GRID1: variants seen among roughly 807,000 people sequenced by gnomAD.
The protein encoded by GRID1 is glutamate ionotropic receptor delta type subunit 1.
In GRID1, 28 loss-of-function variants were observed where a neutral mutation model predicts 98.0. The ratio of observed to expected loss-of-function variants is 0.29; its 90% confidence interval spans 0.21 to 0.39. GRID1 has a LOEUF of 0.39. Ranked by LOEUF, GRID1 falls within the 10% of genes least tolerant of loss-of-function variation. The pLI is 1.00. For synonymous variants in GRID1, 553 were observed against 538.5 expected (o/e 1.03, Z -0.37); for missense variants, 1,111 against 1,340.5 (o/e 0.83, Z 2.67).
At chr10:86,046,365 T>C (rs1169840330) in intron 4 of GRID1, among the ~76,000 whole-genome samples, 1 of 152,160 alleles carries the variant, frequency 6.6e-6, no homozygotes, top group East Asian at 1.9e-4. Context: ...ACACTGCTGC[T>C]TCCATAAAGC....
intron 2 of GRID1, among the ~76,000 whole-genome samples, chr10:86,306,665 AAG>A (rs982890324): frequency 2.0e-5 from 3 of 152,188 alleles, no homozygotes; most frequent in Non-Finnish European, 2.9e-5. Context: ...GGAAGGGAAA[AAG>A]AGAGAGGGGG....
chr10:86,193,382 G>A (rs1845831810), intron 3 of GRID1, among the ~76,000 whole-genome samples: 1 of 152,118 alleles, frequency 6.6e-6, no homozygotes, highest in Non-Finnish European at 1.5e-5. Flanking sequence ...GCAACGCAAG[G>A]CACGTTATTC....
chr10:85,877,255 G>A (rs1335795580), intron 5 of GRID1, among the ~76,000 whole-genome samples: 1 of 152,238 alleles, frequency 6.6e-6, no homozygotes, highest in African/African-American at 2.4e-5. Context: ...GAAGAGAGCA[G>A]TGGTTCTCCC....
intron 4 of GRID1, among the ~76,000 whole-genome samples, chr10:86,094,064 G>C (rs1844186386): frequency 6.6e-6 from 1 of 152,006 alleles, no homozygotes; most frequent in African/African-American, 2.4e-5. Flanking sequence ...TAAATGTGAT[G>C]GACAACATAA....
chr10:85,871,483 G>A (rs1387897516), intron 5 of GRID1, among the ~76,000 whole-genome samples: 1 of 152,144 alleles, frequency 6.6e-6, no homozygotes, highest in Admixed American at 6.5e-5. Flanking sequence ...AAAAGCTCTG[G>A]TTCACTCTTT....
intron 4 of GRID1, among the ~76,000 whole-genome samples, chr10:86,061,097 C>T (rs1222691925): frequency 6.6e-6 from 1 of 152,198 alleles, no homozygotes; most frequent in Non-Finnish European, 1.5e-5. Context: ...CCTTCTCCCA[C>T]CCCCACCTCC....
At chr10:86,022,403 C>A (rs1276086086) in intron 4 of GRID1, among the ~76,000 whole-genome samples, 1 of 152,188 alleles carries the variant, frequency 6.6e-6, no homozygotes, top group African/African-American at 2.4e-5. Context: ...TGTCTGGTGG[C>A]TCCTGCGTAG....
At chr10:85,729,965 T>C (rs1445770471) in intron 8 of GRID1, among the ~76,000 whole-genome samples, 2 of 152,246 alleles carry the variant, frequency 1.3e-5, no homozygotes, top group African/African-American at 4.8e-5. Context: ...CTTTCTTTAA[T>C]TACTCCTTTG....
intron 13 of GRID1, among the ~76,000 whole-genome samples, chr10:85,625,482 A>G (rs891903110): frequency 6.6e-6 from 1 of 152,244 alleles, no homozygotes. Context: ...GTCCAGACAA[A>G]AAAAGAATAG....
intron 2 of GRID1, among the ~76,000 whole-genome samples, chr10:86,261,358 C>A (rs1433441584): frequency 6.6e-6 from 1 of 152,250 alleles, no homozygotes; most frequent in Non-Finnish European, 1.5e-5. Flanking sequence ...AAGCTGGCCA[C>A]AGACTATCCA....
At chr10:85,673,737 G>A (rs937109499) in intron 12 of GRID1, among the ~76,000 whole-genome samples, 15 of 152,090 alleles carry the variant, frequency 9.9e-5, no homozygotes, top group African/African-American at 3.4e-4. Flanking sequence ...ATATGCACTG[G>A]AAAACCAAAA....
At chr10:86,007,102 T>C (rs1842870700) in intron 4 of GRID1, among the ~76,000 whole-genome samples, 1 of 152,146 alleles carries the variant, frequency 6.6e-6, no homozygotes, top group Non-Finnish European at 1.5e-5. Flanking sequence ...GGACTTTAAT[T>C]TAAATAGGTA....
intron 4 of GRID1, among the ~76,000 whole-genome samples, chr10:85,932,141 A>G (rs1041380275): frequency 7.2e-5 from 11 of 152,154 alleles, no homozygotes; most frequent in Middle Eastern, 3.2e-3. Flanking sequence ...CTCACCCCAC[A>G]ATAGTATCTT....
At chr10:85,967,496 G>A (rs1382514004) in intron 4 of GRID1, among the ~76,000 whole-genome samples, 2 of 152,164 alleles carry the variant, frequency 1.3e-5, no homozygotes, top group African/African-American at 4.8e-5. Flanking sequence ...AATATAAATT[G>A]TCCCATGGGG....
At chr10:85,639,969 C>T (rs761722043) in intron 13 of GRID1, among the ~76,000 whole-genome samples, 1 of 152,206 alleles carries the variant, frequency 6.6e-6, no homozygotes, top group Admixed American at 6.5e-5. Flanking sequence ...CTACAATCGA[C>T]ACTGGATGCT....
At chr10:85,805,792 C>T (rs1017953172) in intron 8 of GRID1, among the ~76,000 whole-genome samples, 3 of 151,668 alleles carry the variant, frequency 2.0e-5, no homozygotes, top group Non-Finnish European at 4.4e-5. Context: ...AAATAAATAC[C>T]TTGATACCTC....
At chr10:85,701,229 A>G (rs998314144) in intron 12 of GRID1, among the ~76,000 whole-genome samples, 2 of 152,188 alleles carry the variant, frequency 1.3e-5, no homozygotes, top group Non-Finnish European at 2.9e-5. Context: ...TCTTATATTT[A>G]CAGAGACAAA....
intron 4 of GRID1, among the ~76,000 whole-genome samples, chr10:86,069,932 G>A (rs1286656643): frequency 6.6e-6 from 1 of 152,132 alleles, no homozygotes; most frequent in Non-Finnish European, 1.5e-5. Context: ...ACTCACTCTT[G>A]GCCATGGGAA....
chr10:86,297,715 A>C (rs575945293), intron 2 of GRID1, among the ~76,000 whole-genome samples: 1 of 152,370 alleles, frequency 6.6e-6, no homozygotes, highest in Non-Finnish European at 1.5e-5. Flanking sequence ...GGCAGCGTTG[A>C]TAACTATAAT....
Sources: allele counts gnomAD v4.1 joint callset (sites outside exome capture counted in the v4.1 genomes callset), GRCh38; gene constraint gnomAD v4.1.1; transcripts MANE v1.5; gene names NCBI Gene and HGNC (gene_info 2026-07-23, HGNC 2026-07-21).